The following PRORP variants were observed in gnomAD, a reference collection of about 807,000 sequenced individuals.
The protein encoded by PRORP is mitochondrial ribonuclease P catalytic subunit.
Under a neutral mutation model 59.4 loss-of-function variants are expected in PRORP, and 51 were observed. The ratio of observed to expected loss-of-function variants is 0.86; its 90% CI spans 0.69 to 1.08. The LOEUF (loss-of-function observed/expected upper bound fraction) is 1.08. Among genes scored for constraint, PRORP ranks in the 50% least tolerant of loss-of-function variants. The probability of loss-of-function intolerance (pLI) is 0.00; values close to 1 mark genes in which losing one functional copy is unlikely to be tolerated. For synonymous variants in PRORP, 231 were observed against 245.6 expected (o/e 0.94, Z 0.55); for missense variants, 646 against 690.3 (o/e 0.94, Z 0.72).
intron 4 of PRORP, among the ~76,000 whole-genome samples, chr14:35,148,790 T>A (rs147935572): frequency 7.9e-5 from 12 of 152,186 alleles, no homozygotes; most frequent in Non-Finnish European, 1.6e-4. Flanking sequence ...ATCTTCTGGA[T>A]AGCTTGCTGC....
chr14:35,226,982 C>T (rs1042384135), intron 5 of PRORP, among the ~76,000 whole-genome samples: 16 of 151,752 alleles, frequency 1.1e-4, no homozygotes, highest in Non-Finnish European at 2.4e-4. Flanking sequence ...GCGATCCACC[C>T]GCCTCTGTCT....
chr14:35,232,710 G>T (rs1020677865), intron 5 of PRORP, among the ~76,000 whole-genome samples: 1 of 150,754 alleles, frequency 6.6e-6, no homozygotes, highest in Non-Finnish European at 1.5e-5. Flanking sequence ...ATCTTTCTTC[G>T]TTGCCAGGCT....
intron 4 of PRORP, among the ~76,000 whole-genome samples, chr14:35,128,429 ATGTT>A (rs940159905): frequency 1.2e-4 from 18 of 152,024 alleles, no homozygotes; most frequent in Non-Finnish European, 5.9e-5. Flanking sequence ...TATTCTTTAA[ATGTT>A]TGGTAGAATT....
At chr14:35,148,431 C>A (rs115913347) in intron 4 of PRORP, among the ~76,000 whole-genome samples, 1 of 151,986 alleles carries the variant, frequency 6.6e-6, no homozygotes, top group Non-Finnish European at 1.5e-5. Flanking sequence ...TTTTTTGGAG[C>A]AGTAGGTCTC....
At chr14:35,129,416 ATT>A (rs961389615) in intron 4 of PRORP, among the ~76,000 whole-genome samples, 2 of 145,636 alleles carry the variant, frequency 1.4e-5, no homozygotes, top group African/African-American at 5.1e-5. Flanking sequence ...AGTGAAGATG[ATT>A]TTCTCTGGTG....
chr14:35,253,869 G>A (rs1328366179), intron 5 of PRORP, among the ~76,000 whole-genome samples: 1 of 151,658 alleles, frequency 6.6e-6, no homozygotes, highest in Non-Finnish European at 1.5e-5. Context: ...TTCAAATAAT[G>A]GTATTCCTCA....
chr14:35,136,825 G>C lies in PRORP; in HGVS notation c.1167+9214G>C, dbSNP rs1305210002. 1.4e-5 allele frequency among the ~76,000 whole-genome samples: 2 copies of C among 145,510 alleles called. 1 individual carries two copies. The highest frequency in any genetic ancestry group is 1.4e-4 in the Admixed American group (2 of 13,906). On this transcript the variant is annotated intron_variant, in intron 4 of 7. Transcript: ENST00000534898. ...CTCATCCAGGAAAACAGTGAGAACA[G>C]TAGTGGGCTCAATTCACAACTTGGT... is the stretch of plus-strand genomic sequence containing the variant.
chr14:35,123,674 G>C lies in PRORP; in HGVS notation c.429G>C (p.Trp143Cys), dbSNP rs917580002. Reference protein sequence around the residue: ...ENTGKTSFESWIISQMAGCHS... With the variant: ...ENTGKTSFESCIISQMAGCHS... Reference sequence around the variant, plus strand: ...CCGGAAAGACCAGTTTCGAAAGTTGGATCATTTCACAGATGGCTGGCTGTC... The same window carrying C: ...CCGGAAAGACCAGTTTCGAAAGTTGCATCATTTCACAGATGGCTGGCTGTC... The change falls in exon 2 of 8, where the codon TGG becomes TGC. Residue 143 changes from tryptophan to cysteine, a missense_variant. Coordinates refer to ENST00000534898, the MANE Select transcript of PRORP (RefSeq NM_014672.4). 2 of 1,614,046 alleles carry C rather than the reference G, an allele frequency of 1.2e-6. No individual in the cohort carries two copies. The highest frequency in any genetic ancestry group is 1.3e-5 in the African/African-American group (1 of 74,930).
At chr14:35,172,457 T>TTCCTTCCTTCC (rs1555324977) in intron 4 of PRORP, among the ~76,000 whole-genome samples, 3 of 35,460 alleles carry the variant, frequency 8.5e-5, no homozygotes, top group East Asian at 1.2e-3. Context: ...TCCTTCCTTC[T>TTCCTTCCTTCC]TTCTTTCTTT....
chr14:35,124,645 G>A (rs1412023789), intron 2 of PRORP, among the ~76,000 whole-genome samples: 1 of 149,222 alleles, frequency 6.7e-6, no homozygotes, highest in East Asian at 2.0e-4. Flanking sequence ...TTATATAGCA[G>A]TTTTAATTTT....
chr14:35,176,649 A>G (rs950761666), intron 4 of PRORP, among the ~76,000 whole-genome samples: 6 of 152,164 alleles, frequency 3.9e-5, no homozygotes, highest in Non-Finnish European at 7.4e-5. Context: ...GGGCTGAGAC[A>G]ATGGGGTTTT....
intron 4 of PRORP, among the ~76,000 whole-genome samples, chr14:35,146,195 G>C (rs570460580): frequency 1.3e-5 from 2 of 152,218 alleles, no homozygotes; most frequent in South Asian, 4.1e-4. Context: ...TGATTTAGAA[G>C]TTTTTAAATA....
At chr14:35,264,634 A>G (rs536807196) in intron 5 of PRORP, among the ~76,000 whole-genome samples, 1 of 152,172 alleles carries the variant, frequency 6.6e-6, no homozygotes, top group East Asian at 1.9e-4. Context: ...AAGATTAGCA[A>G]TGGAGTGGAC....
At chr14:35,186,843 GT>G (rs2048755646) in intron 5 of PRORP, among the ~76,000 whole-genome samples, 1 of 152,002 alleles carries the variant, frequency 6.6e-6, no homozygotes, top group African/African-American at 2.4e-5. Context: ...GCCTCAGGCA[GT>G]CCTCCCAAAG....
At chr14:35,124,556 C>T (rs182645571) in intron 2 of PRORP, 191 of 170,102 alleles carry the variant, frequency 1.1e-3, no homozygotes, top group African/African-American at 4.0e-3. Flanking sequence ...TTTCTCTTTA[C>T]GACAAAATTT....
intron 5 of PRORP, chr14:35,262,684 A>G (rs2050936088): frequency 7.5e-6 from 6 of 795,014 alleles, no homozygotes; most frequent in South Asian, 4.0e-5. Context: ...ATTTGTAGTC[A>G]TGTACAGAAC....
chr14:35,273,508 T>C lies in PRORP; in HGVS notation c.1694T>C (p.Val565Ala), dbSNP rs1307859410. The change falls in exon 8 of 8, where the codon GTA becomes GCA. Residue 565 changes from valine to alanine, a missense_variant. Coordinates refer to ENST00000534898, the MANE Select transcript of PRORP (RefSeq NM_014672.4). The stretch of plus-strand genomic sequence containing the variant: ...CACATACCATATGATGAAGACTTGG[T>C]AGAAAGATGTTCCTGTGAAGTACCA... ...SWHIPYDEDLVERCSCEVPTK... is the reference protein window; with the variant it reads ...SWHIPYDEDLAERCSCEVPTK... 4 of 1,613,796 alleles carry C rather than the reference T, an allele frequency of 2.5e-6. No homozygotes were observed. Among genetic ancestry groups the C allele is most frequent in the Non-Finnish European group, 3.4e-6 (4 of 1,179,834 alleles).
At chr14:35,127,345 A>C in intron 3 of PRORP, 134 bp from the exon 4 acceptor site, 1 of 610,850 alleles carries the variant, frequency 1.6e-6, no homozygotes, top group East Asian at 3.3e-5. Context: ...AATTAGATGT[A>C]TGTGATTATC....
At chr14:35,206,902 G>C (rs1447839534) in intron 5 of PRORP, among the ~76,000 whole-genome samples, 1 of 152,184 alleles carries the variant, frequency 6.6e-6, no homozygotes, top group African/African-American at 2.4e-5. Flanking sequence ...AGGACGATTA[G>C]AAGTTTTCTT....
Sources: gnomAD v4.1 joint callset for allele counts (sites outside exome capture counted in the v4.1 genomes callset) on GRCh38, gnomAD v4.1.1 for gene constraint, MANE v1.5 for transcripts, NCBI Gene and HGNC (gene_info 2026-07-23, HGNC 2026-07-21) for gene names.